Variants in CABIN1 observed in about 807,000 individuals in gnomAD.
CABIN1 encodes the protein calcineurin binding protein 1.
CABIN1 carries 133 observed loss-of-function variants against 227.7 expected under a neutral mutation model. That is an observed-to-expected ratio of 0.58 (90% CI 0.51 to 0.67). The LOEUF is 0.67. CABIN1 is among the 30% of genes least tolerant of loss of function. The pLI, the probability that CABIN1 is intolerant of heterozygous loss-of-function variation, is 0.00. For missense variants in CABIN1, 2,408 were observed against 2,852.5 expected (o/e 0.84, Z 3.55); for synonymous variants, 1,086 against 1,155.1 (o/e 0.94, Z 1.21).
intron 1 of CABIN1, among the ~76,000 whole-genome samples, chr22:24,025,609 C>T (rs1289650266): frequency 6.6e-6 from 1 of 152,202 alleles, no homozygotes; most frequent in Non-Finnish European, 1.5e-5. Flanking sequence ...ATATCAGCAG[C>T]CTCTGCTCAT....
intron 29 of CABIN1, among the ~76,000 whole-genome samples, chr22:24,146,310 A>AAAG (rs2045112065): frequency 6.6e-6 from 1 of 152,238 alleles, no homozygotes; most frequent in Non-Finnish European, 1.5e-5. Flanking sequence ...AAGAGTCTTA[A>AAAG]AAGAGTTAGC....
At chr22:24,147,582 G>A (rs2045228917) in intron 29 of CABIN1, among the ~76,000 whole-genome samples, 1 of 151,594 alleles carries the variant, frequency 6.6e-6, no homozygotes, top group Non-Finnish European at 1.5e-5. Flanking sequence ...CCAAGTAGCT[G>A]GGGCTGCAGA....
rs759216104 is a variant in CABIN1 at position 24,164,502 on chromosome 22, C to T, written c.4849C>T (p.Arg1617Trp). The change falls in exon 30 of 37, where the codon CGG becomes TGG. Residue 1617 changes from arginine (R) to tryptophan (W), a missense_variant. Around this residue, in one of 3 missense-constraint regions of CABIN1, gnomAD observed 649 missense variants for 910.3 expected, o/e 0.71. Transcript: ENST00000263119. Reference protein sequence around the residue: ...VLLLKVLAQLRDHSTLLKVSS... With the variant: ...VLLLKVLAQLWDHSTLLKVSS... ...GCTGCTCAAGGTGCTGGCCCAGCTG[C>T]GGGACCACAGCACCCTGCTGAAGGT... is the stretch of plus-strand genomic sequence containing the variant. 33 of 1,606,028 alleles carry T rather than the reference C, an allele frequency of 2.1e-5. 1 individual carries two copies. The highest frequency in any genetic ancestry group is 1.7e-4 in the Admixed American group (10 of 59,982).
At position 24,036,187 on chromosome 22, in the gene CABIN1, T is replaced by A; in HGVS notation, c.96+6T>A. ...CCCAGACAAAGGAGGCTCAGGTACG[T>A]AATGCGAGGTCTTCTCTGTAGGTGG... On this transcript the variant is annotated splice_donor_region_variant and intron_variant, in intron 3 of 36. Transcript: ENST00000263119. 1 of 1,593,844 alleles carries A rather than the reference T, an allele frequency of 6.3e-7. No individual in the cohort carries two copies. The highest frequency in any genetic ancestry group is 8.6e-7 in the Non-Finnish European group (1 of 1,161,768).
At chr22:24,071,662 G>A (rs928894063) in intron 17 of CABIN1, among the ~76,000 whole-genome samples, 2 of 152,026 alleles carry the variant, frequency 1.3e-5, no homozygotes, top group Non-Finnish European at 2.9e-5. Context: ...TCCTCTGCCC[G>A]CTCCAGCCGC....
At position 24,113,931 on chromosome 22, in the gene CABIN1, T is replaced by G. The variant is rs188021273; in HGVS notation, c.4300+183T>G. 2.3e-3 allele frequency among the ~76,000 whole-genome samples: 352 copies of G among 152,222 alleles called. 5 individuals are homozygous for G. Among genetic ancestry groups the G allele is most frequent in the Non-Finnish European group, 5.7e-4 (39 of 68,008 alleles). On this transcript the variant is annotated intron_variant, in intron 27 of 36. Coordinates refer to ENST00000263119, the MANE Select transcript of CABIN1 (RefSeq NM_012295.4). ...CCGCCCTGGGGTTGTGAGGGTTGAGTGAGGCAGCTCCTGAGGGTGCACACA... is the reference window on the plus strand; with the variant it reads ...CCGCCCTGGGGTTGTGAGGGTTGAGGGAGGCAGCTCCTGAGGGTGCACACA...
In CABIN1 at chr22:24,177,869, C is replaced by T; in HGVS notation, c.6519+52C>T. The T allele has an allele frequency of 2.0e-6, 3 of 1,518,804 alleles. No individual in the cohort carries two copies. The highest frequency in any genetic ancestry group is 2.3e-5 in the East Asian group (1 of 43,196). 94.1% of individuals were successfully genotyped at this position (1,518,804 alleles called of 1,614,324 possible). A position where few individuals can be genotyped will look rare whatever the true frequency, so the allele number is the denominator to read the frequency against. On this transcript the variant is annotated intron_variant, in intron 36 of 36. Coordinates refer to ENST00000263119, the MANE Select transcript of CABIN1 (RefSeq NM_012295.4). This position sits in a 1 kb window ranked among gnomAD's most constrained non-coding sequence, Gnocchi z 4.4. Reference sequence around the variant, plus strand: ...ATGTGTGGGTGGGAGGCATAGGTTACAAAGGGGGCCTAGGATGGGGGTGGG... The same window carrying T: ...ATGTGTGGGTGGGAGGCATAGGTTATAAAGGGGGCCTAGGATGGGGGTGGG...
intron 14 of CABIN1, 49 bp from the exon 15 acceptor site, chr22:24,063,986 A>G (rs753889052): frequency 1.2e-6 from 2 of 1,612,154 alleles, no homozygotes; most frequent in Non-Finnish European, 8.5e-7. Context: ...CTGGCACATC[A>G]TAGTCAGTCT....
intron 27 of CABIN1, among the ~76,000 whole-genome samples, chr22:24,116,072 C>T (rs1480933243): frequency 6.6e-6 from 1 of 152,212 alleles, no homozygotes; most frequent in African/African-American, 2.4e-5. Flanking sequence ...TCCTTTAATT[C>T]TCCAGAAGCT....
intron 13 of CABIN1, 50 bp from the exon 14 acceptor site, chr22:24,062,909 G>A (rs1364317009): frequency 6.4e-7 from 1 of 1,569,922 alleles, no homozygotes; most frequent in Admixed American, 1.7e-5. Flanking sequence ...AAGCAGAAGG[G>A]CATTAGAATG....
chr22:24,036,563 A>G (rs892525656), intron 3 of CABIN1, among the ~76,000 whole-genome samples: 1 of 152,144 alleles, frequency 6.6e-6, no homozygotes, highest in African/African-American at 2.4e-5. Context: ...GGAGCAGCCT[A>G]GACTGGGATC....
chr22:24,023,290 C>G (rs956645705), intron 1 of CABIN1, among the ~76,000 whole-genome samples: 1 of 152,150 alleles, frequency 6.6e-6, no homozygotes, highest in African/African-American at 2.4e-5. Flanking sequence ...GTTTATCCAT[C>G]TATTGGTGGA....
chr22:24,058,736 C>A (rs1302148586), intron 10 of CABIN1, among the ~76,000 whole-genome samples: 1 of 152,206 alleles, frequency 6.6e-6, no homozygotes, highest in African/African-American at 2.4e-5. Flanking sequence ...TATTGCAAGC[C>A]CTTCTCCTCC....
intron 1 of CABIN1, among the ~76,000 whole-genome samples, chr22:24,018,016 G>A (rs1209327313): frequency 1.3e-5 from 2 of 151,918 alleles, no homozygotes; most frequent in Admixed American, 1.3e-4. Context: ...ACCATGCCCT[G>A]GCTAATTTTT....
intron 29 of CABIN1, among the ~76,000 whole-genome samples, chr22:24,140,624 CCAGA>C (rs2044697720): frequency 6.6e-6 from 1 of 152,374 alleles, no homozygotes; most frequent in East Asian, 1.9e-4. Flanking sequence ...AGTAACCAAA[CCAGA>C]CAGAGATGGT....
chr22:24,152,636 G>T (rs2045552756), intron 29 of CABIN1, among the ~76,000 whole-genome samples: 1 of 152,174 alleles, frequency 6.6e-6, no homozygotes, highest in African/African-American at 2.4e-5. Context: ...TAACACTGAG[G>T]AACATTCTTG....
chr22:24,151,995 G>A (rs918428128), intron 29 of CABIN1, among the ~76,000 whole-genome samples: 12 of 152,210 alleles, frequency 7.9e-5, no homozygotes, highest in Non-Finnish European at 1.6e-4. Flanking sequence ...TCCTGGTGAT[G>A]GAGAACTGTG....
At chr22:24,115,095 T>C (rs1473737689) in intron 27 of CABIN1, among the ~76,000 whole-genome samples, 1 of 152,366 alleles carries the variant, frequency 6.6e-6, no homozygotes, top group East Asian at 1.9e-4. Flanking sequence ...CTTAACACTA[T>C]AATACAGCAT....
chr22:24,018,704 G>A lies in CABIN1; in HGVS notation c.-75+7337G>A, dbSNP rs570837275. 3.3e-5 allele frequency among the ~76,000 whole-genome samples: 5 copies of A among 152,046 alleles called. No individual in the cohort carries two copies. In the South Asian group the frequency reaches 6.2e-4, roughly 19 times the overall value. ...CTTTGTACAGTAGGTTTTAATGTCT[G>A]TTATACCTATCCCCCCTTACAGTTT... On this transcript the variant is annotated intron_variant, in intron 1 of 36. Transcript: ENST00000263119.
Sources: gnomAD v4.1 joint callset for allele counts (sites outside exome capture counted in the v4.1 genomes callset) on GRCh38, gnomAD v4.1.1 for gene constraint, gnomAD v4.1.1 regional missense constraint, Gnocchi (gnomAD v3.1) non-coding constraint, MANE v1.5 for transcripts, NCBI Gene and HGNC (gene_info 2026-07-23, HGNC 2026-07-21) for gene names.